SLC24A2: variants seen among roughly 807,000 people sequenced by gnomAD.
SLC24A2 encodes sodium/potassium/calcium exchanger 2.
Under a neutral mutation model 62.0 loss-of-function variants are expected in SLC24A2, and 36 were observed. The ratio of observed to expected loss-of-function variants is 0.58; its 90% CI spans 0.44 to 0.77. SLC24A2 has a LOEUF of 0.77. Ranked by LOEUF, SLC24A2 falls within the 30% of genes least tolerant of loss-of-function variation. The pLI is 0.00. For missense variants in SLC24A2, 846 were observed against 817.9 expected (o/e 1.03, Z -0.42); for synonymous variants, 358 against 294.0 (o/e 1.22, Z -2.23).
the SLC24A2 span, among the ~76,000 whole-genome samples, chr9:20,162,561 A>G: frequency 4.5e-3 from 688 of 152,082 alleles, 2 homozygotes; most frequent in African/African-American, 0.016. Flanking sequence ...ACAAGGAGGA[A>G]CTGGTACCAT....
chr9:19,878,391 T>A, the SLC24A2 span, among the ~76,000 whole-genome samples: 1 of 152,190 alleles, frequency 6.6e-6, no homozygotes, highest in Non-Finnish European at 1.5e-5. Context: ...AAATTAATCC[T>A]GCTTATTACT....
chr9:20,131,634 C>T, the SLC24A2 span, among the ~76,000 whole-genome samples: 1 of 152,024 alleles, frequency 6.6e-6, no homozygotes, highest in Non-Finnish European at 1.5e-5. Context: ...TATTCTTATT[C>T]CTGTGGGTTA....
the SLC24A2 span, among the ~76,000 whole-genome samples, chr9:20,205,105 A>G: frequency 6.6e-6 from 1 of 152,124 alleles, no homozygotes; most frequent in Non-Finnish European, 1.5e-5. Flanking sequence ...CTGCAGGATG[A>G]AAAGTCAGTA....
the SLC24A2 span, among the ~76,000 whole-genome samples, chr9:19,932,201 A>T: frequency 2.6e-5 from 4 of 152,226 alleles, no homozygotes; most frequent in African/African-American, 9.6e-5. Flanking sequence ...TGTAAGAAAA[A>T]TATTTTTGTT....
the SLC24A2 span, among the ~76,000 whole-genome samples, chr9:19,868,818 A>G: frequency 3.3e-5 from 5 of 151,576 alleles, no homozygotes; most frequent in Admixed American, 2.0e-4. Context: ...TTTGTATGGT[A>G]TATCATTTTC....
the SLC24A2 span, among the ~76,000 whole-genome samples, chr9:20,104,367 C>T: frequency 3.9e-5 from 6 of 152,130 alleles, no homozygotes; most frequent in South Asian, 1.2e-3. Flanking sequence ...AGATACTCCT[C>T]GAGAAGAGCA....
intron 8 of SLC24A2, among the ~76,000 whole-genome samples, chr9:19,545,640 T>C (rs1212500215): frequency 2.0e-5 from 3 of 151,794 alleles, no homozygotes; most frequent in Admixed American, 1.3e-4. Context: ...TTTTTAGTTT[T>C]TTTTTCTTTT....
chr9:19,533,149 G>C (rs1046220689), intron 8 of SLC24A2, among the ~76,000 whole-genome samples: 9 of 152,174 alleles, frequency 5.9e-5, no homozygotes, highest in African/African-American at 2.2e-4. Context: ...TATATACTCT[G>C]AAACTATAAG....
intron 2 of SLC24A2, among the ~76,000 whole-genome samples, chr9:19,776,988 C>G (rs780321635): frequency 8.5e-5 from 13 of 152,174 alleles, no homozygotes; most frequent in African/African-American, 1.2e-4. Flanking sequence ...CTGAAAACTT[C>G]ATTTCCCAAA....
the SLC24A2 span, among the ~76,000 whole-genome samples, chr9:20,170,952 T>A: frequency 6.6e-6 from 1 of 151,926 alleles, no homozygotes. Context: ...AAAAGAATCT[T>A]AAGAGCTGTG....
intron 8 of SLC24A2, among the ~76,000 whole-genome samples, chr9:19,542,226 C>G (rs951090348): frequency 6.6e-5 from 10 of 152,148 alleles, no homozygotes; most frequent in Non-Finnish European, 1.3e-4. Context: ...ATCTTGGCTC[C>G]TCCCTTCTCT....
chr9:20,162,985 A>T, the SLC24A2 span, among the ~76,000 whole-genome samples: 26 of 152,262 alleles, frequency 1.7e-4, no homozygotes, highest in South Asian at 4.1e-4. Flanking sequence ...ATATCTCAAA[A>T]TAATAAGAGC....
intron 9 of SLC24A2, among the ~76,000 whole-genome samples, chr9:19,524,116 T>TG (rs1563930833): frequency 2.1e-5 from 2 of 94,806 alleles, no homozygotes; most frequent in African/African-American, 8.4e-5. Flanking sequence ...AGCAGTCTTT[T>TG]GGGGGAAATT....
chr9:19,824,564 T>A, the SLC24A2 span, among the ~76,000 whole-genome samples: 1 of 152,188 alleles, frequency 6.6e-6, no homozygotes, highest in Non-Finnish European at 1.5e-5. Flanking sequence ...GCTTTTACGC[T>A]GTTAGTGGGA....
chr9:19,804,746 A>T, the SLC24A2 span, among the ~76,000 whole-genome samples: 1 of 152,146 alleles, frequency 6.6e-6, no homozygotes, highest in Admixed American at 6.6e-5. Flanking sequence ...ACCATTAAGT[A>T]TAGTGCTGGC....
the SLC24A2 span, among the ~76,000 whole-genome samples, chr9:20,135,527 G>A: frequency 3.3e-5 from 5 of 151,946 alleles, no homozygotes; most frequent in Admixed American, 1.3e-4. Context: ...TGAAGATAAC[G>A]ATTCTAGCAC....
the SLC24A2 span, among the ~76,000 whole-genome samples, chr9:20,303,747 G>C: frequency 3.3e-5 from 5 of 152,240 alleles, no homozygotes; most frequent in South Asian, 2.1e-4. Flanking sequence ...CCACCAGAAG[G>C]GTTCATTTTA....
intron 2 of SLC24A2, among the ~76,000 whole-genome samples, chr9:19,722,403 C>T (rs1821052553): frequency 6.6e-6 from 1 of 152,044 alleles, no homozygotes; most frequent in South Asian, 2.1e-4. Context: ...AATATTATGA[C>T]TTTCTATATA....
rs1382762904 is a variant in SLC24A2 at position 19,656,123 on chromosome 9, T to A, written c.931-33824A>T. Among the ~76,000 whole-genome samples, 8 of 152,214 alleles carry A rather than the reference T, an allele frequency of 5.3e-5. No individual in the cohort carries two copies. The East Asian group carries it at 1.2e-3, about 22-fold the overall frequency. On this transcript the variant is annotated intron_variant, in intron 2 of 10. Transcript: ENST00000341998. Reference sequence around the variant, plus strand: ...TCAGATTCAATACTGTGAACCAGAATGTGTTTCTCTCTAAACCAGGGAATG... The same window carrying A: ...TCAGATTCAATACTGTGAACCAGAAAGTGTTTCTCTCTAAACCAGGGAATG...
Sources: allele counts gnomAD v4.1 joint callset (sites outside exome capture counted in the v4.1 genomes callset), GRCh38; gene constraint gnomAD v4.1.1; transcripts MANE v1.5; gene names NCBI Gene and HGNC (gene_info 2026-07-23, HGNC 2026-07-21).